KLHL2: variants seen among roughly 807,000 people sequenced by gnomAD.
The protein encoded by KLHL2 is kelch-like protein 2.
KLHL2 carries 15 observed loss-of-function variants against 75.8 expected under a neutral mutation model. The ratio of observed to expected loss-of-function variants is 0.20; its 90% CI spans 0.13 to 0.30. The LOEUF is 0.30. KLHL2 is among the 10% of genes least tolerant of loss of function. The pLI is 1.00. For missense variants in KLHL2, 381 were observed against 741.0 expected (o/e 0.51, Z 5.64); for synonymous variants, 214 against 251.9 (o/e 0.85, Z 1.42).
rs1489286743 is a variant in KLHL2, at chr4:165,279,300, C to G, written c.545-15059C>G. ...TCAACGGTAGACTGTGTTCTTAGATCAAGCCACACCACAGCATTGTAGAGA... is the reference window on the plus strand; with the variant it reads ...TCAACGGTAGACTGTGTTCTTAGATGAAGCCACACCACAGCATTGTAGAGA... On this transcript the variant is annotated intron_variant, in intron 5 of 14. Coordinates refer to ENST00000226725, the MANE Select transcript of KLHL2 (RefSeq NM_007246.4). The G allele has an allele frequency of 2.6e-6, 4 of 1,546,038 alleles. No individual in the cohort carries two copies. The Middle Eastern group carries it at 5.3e-4, about 204-fold the overall frequency.
rs751457995 is a variant in KLHL2 at position 165,294,422 on chromosome 4, G to T, written c.608G>T (p.Cys203Phe). ...EFLNLGIEQV[C>F]SLISSDKLTI... is the part of the protein sequence containing the mutation. ...CTCAATCTTGGCATCGAACAAGTGT[G>T]CAGCTTAATCTCAAGTGACAAACTT... Residue 203 changes from cysteine to phenylalanine, a missense_variant, in exon 6 of 15, where the codon TGC (cysteine) becomes TTC (phenylalanine). Physicochemically the swap from Cys to Phe is radical, Grantham distance 205. Transcript: ENST00000226725. 1 of 1,611,088 alleles carries T rather than the reference G, an allele frequency of 6.2e-7. No homozygotes were observed. The highest frequency in any genetic ancestry group is 2.2e-5 in the East Asian group (1 of 44,840).
chr4:165,223,026 T>C (rs1302843335), intron 2 of KLHL2, among the ~76,000 whole-genome samples: 1 of 152,280 alleles, frequency 6.6e-6, no homozygotes, highest in African/African-American at 2.4e-5. Flanking sequence ...AGTTACAGAA[T>C]TAAAATTGTT....
chr4:165,302,277 T>C (rs1745407753), intron 8 of KLHL2, among the ~76,000 whole-genome samples: 2 of 152,190 alleles, frequency 1.3e-5, no homozygotes, highest in Non-Finnish European at 2.9e-5. Context: ...CACCACCATT[T>C]GTCATTTTAG....
chr4:165,265,561 G>A (rs1212066208), intron 5 of KLHL2, among the ~76,000 whole-genome samples: 1 of 151,864 alleles, frequency 6.6e-6, no homozygotes, highest in Non-Finnish European at 1.5e-5. Context: ...TATATGGTGA[G>A]AGATAGGGAT....
chr4:165,247,173 C>G (rs1348341994), intron 4 of KLHL2, among the ~76,000 whole-genome samples: 1 of 152,158 alleles, frequency 6.6e-6, no homozygotes, highest in Admixed American at 6.5e-5. Context: ...AATCTGGTGT[C>G]TTGTCTGATT....
chr4:165,239,930 G>A (rs1329435210), intron 4 of KLHL2, among the ~76,000 whole-genome samples: 2 of 152,248 alleles, frequency 1.3e-5, no homozygotes, highest in South Asian at 4.1e-4. Context: ...GAACTGAACA[G>A]TGTCTTAGGG....
chr4:165,266,699 A>G (rs1252727046), intron 5 of KLHL2, among the ~76,000 whole-genome samples: 2 of 152,192 alleles, frequency 1.3e-5, no homozygotes, highest in East Asian at 1.9e-4. Flanking sequence ...TGGTACCAGT[A>G]CCATGCTGTT....
chr4:165,283,651 G>T (rs567288687), intron 5 of KLHL2, among the ~76,000 whole-genome samples: 3 of 152,288 alleles, frequency 2.0e-5, no homozygotes, highest in African/African-American at 7.2e-5. Flanking sequence ...GGCACATGGT[G>T]CAGGCTATCA....
chr4:165,288,234 G>A (rs192656500), intron 5 of KLHL2, among the ~76,000 whole-genome samples: 20 of 152,096 alleles, frequency 1.3e-4, no homozygotes, highest in African/African-American at 4.1e-4. Flanking sequence ...AGTTTTCCTA[G>A]CACAATTTGT....
chr4:165,262,336 A>G (rs1579066892), intron 4 of KLHL2, among the ~76,000 whole-genome samples: 1 of 152,204 alleles, frequency 6.6e-6, no homozygotes, highest in South Asian at 2.1e-4. Context: ...GCTTATAGGT[A>G]GAGACTGTTG....
intron 5 of KLHL2, among the ~76,000 whole-genome samples, chr4:165,272,890 T>A (rs966611891): frequency 2.0e-5 from 3 of 152,222 alleles, no homozygotes; most frequent in Non-Finnish European, 4.4e-5. Context: ...GAAAAATTAT[T>A]CACTTTCAGT....
intron 7 of KLHL2, among the ~76,000 whole-genome samples, chr4:165,299,220 C>G (rs914214146): frequency 6.6e-6 from 1 of 151,950 alleles, no homozygotes; most frequent in Admixed American, 6.6e-5. Context: ...ATATAATATC[C>G]GAAGAGTTCA....
Position 165,278,509 on chromosome 4 carries a change from T to G in KLHL2, c.544+15150T>G, listed in dbSNP as rs1266232918. 9.3e-6 allele frequency: 15 copies of G among 1,604,636 alleles called. No individual in the cohort carries two copies. In the South Asian group the frequency reaches 1.3e-4, roughly 14 times the overall value. On this transcript the variant is annotated intron_variant, in intron 5 of 14. Coordinates refer to ENST00000226725, the MANE Select transcript of KLHL2 (RefSeq NM_007246.4). Reference sequence around the variant, plus strand: ...TCGTGAATTGAGTGAGTCCACAGATTATCCCTCTTGCGCTGGGCTCCCAAT... The same window carrying G: ...TCGTGAATTGAGTGAGTCCACAGATGATCCCTCTTGCGCTGGGCTCCCAAT...
At chr4:165,288,624 A>G (rs1394250836) in intron 5 of KLHL2, among the ~76,000 whole-genome samples, 2 of 152,136 alleles carry the variant, frequency 1.3e-5, no homozygotes, top group East Asian at 3.9e-4. Flanking sequence ...TGGATATACT[A>G]TGTTTTAAAC....
At chr4:165,228,215 A>T (rs1187678517) in intron 2 of KLHL2, among the ~76,000 whole-genome samples, 1 of 152,326 alleles carries the variant, frequency 6.6e-6, no homozygotes, top group East Asian at 1.9e-4. Context: ...GTGTTTTTTA[A>T]CTTTAGATGT....
intron 1 of KLHL2, among the ~76,000 whole-genome samples, chr4:165,213,916 C>CT (rs1469491654): frequency 6.6e-6 from 1 of 152,160 alleles, no homozygotes; most frequent in African/African-American, 2.4e-5. Flanking sequence ...CATATAGTGC[C>CT]TAGTGCCTAT....
intron 4 of KLHL2, among the ~76,000 whole-genome samples, chr4:165,241,993 T>C (rs1218392082): frequency 6.6e-6 from 1 of 152,208 alleles, no homozygotes; most frequent in Non-Finnish European, 1.5e-5. Flanking sequence ...TGTGTGTTTG[T>C]TGCTGCTGTT....
At chr4:165,279,715 A>C (rs887212362) in intron 5 of KLHL2, 2 of 1,100,840 alleles carry the variant, frequency 1.8e-6, no homozygotes, top group Non-Finnish European at 2.8e-6. Flanking sequence ...GGGGGAGGGG[A>C]GGGTGACGAG....
chr4:165,266,814 T>G (rs1416470478), intron 5 of KLHL2, among the ~76,000 whole-genome samples: 4 of 151,892 alleles, frequency 2.6e-5, no homozygotes, highest in Non-Finnish European at 5.9e-5. Context: ...CTCTTTTTTG[T>G]TTCCATATGA....
Sources: gnomAD v4.1 joint callset for allele counts (sites outside exome capture counted in the v4.1 genomes callset) on GRCh38, gnomAD v4.1.1 for gene constraint, MANE v1.5 for transcripts, NCBI Gene and HGNC (gene_info 2026-07-23, HGNC 2026-07-21) for gene names.